SNTG2: variants seen among roughly 807,000 people sequenced by gnomAD.
The protein encoded by SNTG2 is gamma-2-syntrophin.
Under a neutral mutation model 70.9 loss-of-function variants are expected in SNTG2, and 74 were observed. The observed-to-expected ratio is 1.04, with a 90% CI of 0.86 to 1.27. The LOEUF is 1.27. SNTG2 is among the 50% of genes most tolerant of loss of function. The pLI is 0.00. For synonymous variants in SNTG2, 278 were observed against 273.8 expected, an observed-to-expected ratio of 1.02 and a Z score of -0.15; for missense variants, 717 against 690.7, an observed-to-expected ratio of 1.04 and a Z score of -0.43.
intron 4 of SNTG2, among the ~76,000 whole-genome samples, chr2:1,116,182 T>C (rs534123767): frequency 6.6e-6 from 1 of 151,882 alleles, no homozygotes; most frequent in Admixed American, 6.6e-5. Context: ...GGGAGCTTGG[T>C]GGTCACGGGT....
intron 1 of SNTG2, among the ~76,000 whole-genome samples, chr2:980,112 A>G (rs1288229187): frequency 6.6e-6 from 1 of 152,202 alleles, no homozygotes. Context: ...GCTGAGCTCA[A>G]ATACAGAATT....
chr2:990,389 T>G (rs1661451133), intron 1 of SNTG2, among the ~76,000 whole-genome samples: 2 of 152,172 alleles, frequency 1.3e-5, no homozygotes, highest in South Asian at 4.1e-4. Context: ...AAATTCAAGA[T>G]GTAGGTGTTG....
At chr2:1,167,552 A>G (rs35335484) in intron 7 of SNTG2, among the ~76,000 whole-genome samples, 95 of 67,164 alleles carry the variant, frequency 1.4e-3, no homozygotes, top group South Asian at 2.6e-3. Context: ...CAGAACTGAA[A>G]CCTACAGGCC....
At chr2:1,226,730 A>G (rs192041935) in intron 9 of SNTG2, among the ~76,000 whole-genome samples, 16 of 152,378 alleles carry the variant, frequency 1.1e-4, no homozygotes, top group Admixed American at 4.6e-4. Context: ...CAAAATAGTT[A>G]TAGAAAACTA....
At chr2:1,110,311 T>C (rs1350081243) in intron 4 of SNTG2, among the ~76,000 whole-genome samples, 1 of 152,222 alleles carries the variant, frequency 6.6e-6, no homozygotes, top group African/African-American at 2.4e-5. Context: ...GACATGGGCC[T>C]CCACCTGTAT....
chr2:1,143,066 CA>C (rs1459830515), intron 6 of SNTG2, among the ~76,000 whole-genome samples: 2 of 152,104 alleles, frequency 1.3e-5, no homozygotes, highest in Non-Finnish European at 2.9e-5. Context: ...CTCTGGGCAA[CA>C]GTGACTGCCG....
chr2:1,166,982 G>C (rs1396511012), intron 7 of SNTG2, among the ~76,000 whole-genome samples: 1 of 152,174 alleles, frequency 6.6e-6, no homozygotes, highest in African/African-American at 2.4e-5. Flanking sequence ...TCTTCTGAGA[G>C]CTACCAACAC....
intron 14 of SNTG2, among the ~76,000 whole-genome samples, chr2:1,290,400 C>T (rs550706603): frequency 7.9e-5 from 12 of 151,856 alleles, no homozygotes; most frequent in Admixed American, 3.9e-4. Flanking sequence ...CTGCAACCTC[C>T]GGCTCCCAGG....
chr2:1,342,016 T>C (rs930235682), intron 16 of SNTG2, among the ~76,000 whole-genome samples: 4 of 152,134 alleles, frequency 2.6e-5, no homozygotes, highest in African/African-American at 9.7e-5. Context: ...CAGCCTGTTT[T>C]ATTTTCTTTT....
intron 9 of SNTG2, among the ~76,000 whole-genome samples, chr2:1,228,216 A>T (rs569016798): frequency 9.9e-5 from 15 of 152,244 alleles, no homozygotes; most frequent in Admixed American, 6.5e-5. Flanking sequence ...CCTCGTGGTC[A>T]TGGACTGTGA....
At chr2:1,201,407 G>A (rs1336671141) in intron 8 of SNTG2, among the ~76,000 whole-genome samples, 1 of 151,578 alleles carries the variant, frequency 6.6e-6, no homozygotes, top group Admixed American at 6.6e-5. Flanking sequence ...TGTGGGGGGA[G>A]GTGAAGAGAA....
At chr2:1,202,068 C>A (rs117981399) in intron 8 of SNTG2, among the ~76,000 whole-genome samples, 1 of 152,048 alleles carries the variant, frequency 6.6e-6, no homozygotes, top group Non-Finnish European at 1.5e-5. Context: ...CTAAAACATG[C>A]TCTTCAAGCT....
intron 1 of SNTG2, among the ~76,000 whole-genome samples, chr2:964,894 G>A (rs993069915): frequency 6.6e-6 from 1 of 152,140 alleles, no homozygotes; most frequent in Non-Finnish European, 1.5e-5. Context: ...TTGGAAGACG[G>A]GGAGAATGGG....
intron 2 of SNTG2, among the ~76,000 whole-genome samples, 185 bp downstream of exon 2, chr2:1,083,840 C>T (rs960305422): frequency 1.3e-5 from 2 of 152,200 alleles, no homozygotes; most frequent in Admixed American, 1.3e-4. Context: ...TTTACTCTCT[C>T]CCTGACTTTC....
intron 16 of SNTG2, among the ~76,000 whole-genome samples, chr2:1,350,660 C>T (rs901008982): frequency 4.6e-5 from 7 of 151,578 alleles, no homozygotes; most frequent in Non-Finnish European, 8.8e-5. Flanking sequence ...TGAATGTTGA[C>T]GATGGAAAGG....
At chr2:1,057,347 A>G (rs868137724) in intron 1 of SNTG2, among the ~76,000 whole-genome samples, 10 of 152,210 alleles carry the variant, frequency 6.6e-5, no homozygotes, top group Admixed American at 3.9e-4. Context: ...AGGGTTCTCC[A>G]GAGGGACAGA....
At chr2:985,977 C>T (rs1483584717) in intron 1 of SNTG2, among the ~76,000 whole-genome samples, 1 of 150,758 alleles carries the variant, frequency 6.6e-6, no homozygotes, top group Non-Finnish European at 1.5e-5. Context: ...TTCTGAGAAG[C>T]AAAGCTCAGA....
At chr2:1,117,136 G>T (rs1667069363) in intron 4 of SNTG2, among the ~76,000 whole-genome samples, 1 of 151,814 alleles carries the variant, frequency 6.6e-6, no homozygotes, top group South Asian at 2.1e-4. Flanking sequence ...TAGGTGCTCT[G>T]GTGCGTGGGT....
intron 14 of SNTG2, among the ~76,000 whole-genome samples, chr2:1,299,235 G>A (rs1397560390): frequency 6.6e-6 from 1 of 152,206 alleles, no homozygotes; most frequent in Non-Finnish European, 1.5e-5. Flanking sequence ...GACCCTGCTG[G>A]TCTAGCCCTG....
Sources: gnomAD v4.1 joint callset for allele counts (sites outside exome capture counted in the v4.1 genomes callset) on GRCh38, gnomAD v4.1.1 for gene constraint, MANE v1.5 for transcripts, NCBI Gene and HGNC (gene_info 2026-07-23, HGNC 2026-07-21) for gene names.